Variants in AKAP13 observed in about 807,000 individuals in gnomAD.
AKAP13 encodes the protein A-kinase anchoring protein 13.
A neutral mutation model predicts 264.5 loss-of-function variants in AKAP13; 80 were observed. That is an observed-to-expected ratio of 0.30 (90% CI 0.25 to 0.36). The LOEUF is 0.36. AKAP13 is among the 10% of genes least tolerant of loss of function. AKAP13 has a pLI of 1.00. For synonymous variants in AKAP13, 1,380 were observed against 1,250.2 expected (o/e 1.10, Z -2.19); for missense variants, 3,712 against 3,435.2 (o/e 1.08, Z -2.01).
At chr15:85,660,946 C>A (rs1331296892) in intron 12 of AKAP13, among the ~76,000 whole-genome samples, 1 of 152,172 alleles carries the variant, frequency 6.6e-6, no homozygotes, top group East Asian at 1.9e-4. Flanking sequence ...CACTTGACAA[C>A]AAAACAAAGT....
At chr15:85,398,315 T>C (rs2071220652) in intron 1 of AKAP13, among the ~76,000 whole-genome samples, 1 of 152,180 alleles carries the variant, frequency 6.6e-6, no homozygotes, top group Non-Finnish European at 1.5e-5. Context: ...ATTACAACAG[T>C]AATGTACAGT....
intron 5 of AKAP13, among the ~76,000 whole-genome samples, chr15:85,547,545 CA>C (rs35810749): frequency 0.32 from 48,889 of 151,782 alleles, 7,919 homozygotes; most frequent in South Asian, 0.43. Flanking sequence ...CTACTCAGGA[CA>C]TTTTTTTTAC....
At chr15:85,619,749 C>T in intron 8 of AKAP13, 4 of 1,032,996 alleles carry the variant, frequency 3.9e-6, no homozygotes, top group South Asian at 4.4e-5. Context: ...GGAGTCATTG[C>T]CAGTGATGGA....
chr15:85,438,502 A>G (rs1384536117), intron 1 of AKAP13, among the ~76,000 whole-genome samples: 2 of 149,912 alleles, frequency 1.3e-5, no homozygotes, highest in Non-Finnish European at 3.0e-5. Context: ...AAGAGCCTGC[A>G]TCGCCAAGTC....
At chr15:85,574,979 A>G in intron 5 of AKAP13, 152 bp from the exon 6 acceptor site, 1 of 647,944 alleles carries the variant, frequency 1.5e-6, no homozygotes, top group South Asian at 1.9e-5. Context: ...TATTGGTTAT[A>G]TGCCTGAATC....
intron 1 of AKAP13, among the ~76,000 whole-genome samples, chr15:85,382,615 A>T (rs970779821): frequency 3.8e-4 from 58 of 152,176 alleles, no homozygotes; most frequent in Admixed American, 1.5e-3. Context: ...CTGGGCGGTG[A>T]TGGCATGTTA....
intron 14 of AKAP13, among the ~76,000 whole-genome samples, chr15:85,680,080 A>G (rs557268160): frequency 6.6e-6 from 1 of 152,304 alleles, no homozygotes; most frequent in Non-Finnish European, 1.5e-5. Flanking sequence ...TTCCACACAT[A>G]TCTGCTGGAA....
chr15:85,525,697 A>G (rs1300256215), intron 3 of AKAP13, among the ~76,000 whole-genome samples: 3 of 152,214 alleles, frequency 2.0e-5, no homozygotes, highest in Non-Finnish European at 4.4e-5. Flanking sequence ...ATGACATTTT[A>G]ATTAACTAGT....
intron 3 of AKAP13, among the ~76,000 whole-genome samples, chr15:85,530,170 G>C (rs10468111): frequency 0.86 from 130,726 of 152,222 alleles, 56,445 homozygotes; most frequent in African/African-American, 0.88. Flanking sequence ...CAACCCCCGC[G>C]CCCCAACACA....
chr15:85,743,759 T>C lies in AKAP13; in HGVS notation c.8326T>C (p.Leu2776=), dbSNP rs749395836. The C allele has an allele frequency of 7.4e-6, 12 of 1,613,574 alleles. No individual in the cohort carries two copies. Among genetic ancestry groups the C allele is most frequent in the Non-Finnish European group, 1.0e-5 (12 of 1,179,938 alleles). Residue 2776 remains leucine, a synonymous_variant, in exon 36 of 37, where the codon TTA becomes CTA. Transcript: ENST00000394518. The stretch of plus-strand genomic sequence containing the variant: ...CTCTGCCTCTACCCGCCTGTTTGGG[T>C]TAACAAAGCCAAAGGAAAAGAAGGA... ...STSASTRLFG[L]TKPKEKKEKK...
At chr15:85,467,840 G>C (rs890571624) in intron 1 of AKAP13, among the ~76,000 whole-genome samples, 4 of 152,190 alleles carry the variant, frequency 2.6e-5, no homozygotes, top group African/African-American at 9.7e-5. Flanking sequence ...TATCCAACCT[G>C]TTGCCCATTA....
chr15:85,658,758 T>C (rs976964352), intron 12 of AKAP13, among the ~76,000 whole-genome samples, 168 bp downstream of exon 12: 12 of 152,254 alleles, frequency 7.9e-5, no homozygotes, highest in African/African-American at 2.9e-4. Flanking sequence ...GTCCATTTTA[T>C]ATGAAATGGT....
chr15:85,565,294 T>TTTA (rs1054752289), intron 5 of AKAP13, among the ~76,000 whole-genome samples: 83 of 152,216 alleles, frequency 5.5e-4, no homozygotes, highest in African/African-American at 2.0e-3. Context: ...TCCTGCAGTA[T>TTTA]TTATATTCGT....
chr15:85,661,902 G>GAAA (rs57846021), intron 12 of AKAP13, among the ~76,000 whole-genome samples: 6 of 136,636 alleles, frequency 4.4e-5, no homozygotes, highest in Non-Finnish European at 7.8e-5. Flanking sequence ...GGAAACACAT[G>GAAA]AAAAAAAAAA....
chr15:85,716,568 C>G (rs1406443873), intron 20 of AKAP13, among the ~76,000 whole-genome samples: 1 of 152,178 alleles, frequency 6.6e-6, no homozygotes, highest in Non-Finnish European at 1.5e-5. Flanking sequence ...ATGTAGGACT[C>G]AGAGTATCTC....
chr15:85,691,908 C>T lies in AKAP13; in HGVS notation c.5290-1369C>T, dbSNP rs749519798. ...GAAGCTTATCTTTCCAACCTAGGGA[C>T]ACTGCCTGCTTTTCCTGCCTTCCTG... On this transcript the variant is annotated intron_variant, in intron 16 of 36. Transcript: ENST00000394518. 6.7e-5 allele frequency: 32 copies of T among 477,762 alleles called. 1 individual carries two copies. Among genetic ancestry groups the T allele is most frequent in the South Asian group, 4.7e-4 (31 of 65,798 alleles). 29.6% of individuals were successfully genotyped at this position (477,762 alleles called of 1,614,324 possible).
intron 8 of AKAP13, among the ~76,000 whole-genome samples, chr15:85,609,242 A>G (rs948075306): frequency 3.3e-5 from 5 of 152,108 alleles, no homozygotes; most frequent in Non-Finnish European, 7.4e-5. Context: ...CTCTTTACCC[A>G]TTGACCAACC....
At chr15:85,433,442 C>CTTTCCTACACTTTTTCTTCGA (rs2073119203) in intron 1 of AKAP13, among the ~76,000 whole-genome samples, 1 of 152,046 alleles carries the variant, frequency 6.6e-6, no homozygotes, top group Non-Finnish European at 1.5e-5. Context: ...GGCATTTTCG[C>CTTTCCTACACTTTTTCTTCGA]TTTCCTACAC....
chr15:85,524,193 C>T (rs1363467055), intron 3 of AKAP13, among the ~76,000 whole-genome samples: 1 of 106,454 alleles, frequency 9.4e-6, no homozygotes, highest in Non-Finnish European at 1.7e-5. Flanking sequence ...CACCCCCCAC[C>T]CCAAGAAGGA....
Sources: gnomAD v4.1 joint callset for allele counts (sites outside exome capture counted in the v4.1 genomes callset) on GRCh38, gnomAD v4.1.1 for gene constraint, MANE v1.5 for transcripts, NCBI Gene and HGNC (gene_info 2026-07-23, HGNC 2026-07-21) for gene names.